URGCP: variants seen among roughly 807,000 people sequenced by gnomAD.
URGCP encodes up-regulator of cell proliferation.
A neutral mutation model predicts 24.6 loss-of-function variants in URGCP; 13 were observed. That is an observed-to-expected ratio of 0.53 (90% CI 0.34 to 0.84). The LOEUF is 0.84. Among genes scored for constraint, URGCP ranks in the 40% least tolerant of loss-of-function variants. The pLI, the probability that URGCP is intolerant of heterozygous loss-of-function variation, is 0.01. For synonymous variants in URGCP, 444 were observed against 487.2 expected (o/e 0.91, Z 1.17); for missense variants, 899 against 1,194.3 (o/e 0.75, Z 3.64).
rs1251700101 is a variant in URGCP at position 43,905,420 on chromosome 7, C to G, written c.14+1142G>C. Among the ~76,000 whole-genome samples the G allele has an allele frequency of 5.9e-5, 9 of 152,288 alleles. No individual in the cohort carries two copies. The East Asian group carries it at 1.5e-3, about 26-fold the overall frequency. Reference sequence around the variant, plus strand: ...GGGTAGTCAGCTGGCAATGAAAAGGCCTGGTCCCGGAAATGACCACTGCCC... The same window carrying G: ...GGGTAGTCAGCTGGCAATGAAAAGGGCTGGTCCCGGAAATGACCACTGCCC... On this transcript the variant is annotated intron_variant, in intron 1 of 5. Coordinates refer to ENST00000453200, the MANE Select transcript of URGCP (RefSeq NM_001077663.3).
chr7:43,877,544 TGG>T lies in URGCP; in HGVS notation c.1917_1918del (p.Gln640GlufsTer97), dbSNP rs759549311. 1 of 1,613,256 alleles carries T rather than the reference TGG, an allele frequency of 6.2e-7. No individual in the cohort carries two copies. Among genetic ancestry groups the T allele is most frequent in the African/African-American group, 1.3e-5 (1 of 75,054 alleles). ...GCCTGGGAAGTGGGCAAAACGCCTC[TGG>T]CCTGCCGGCAGCCTCCCTGCCTCCA... is the stretch of plus-strand genomic sequence containing the variant. On this transcript the variant is annotated frameshift_variant, in exon 6 of 6. Coordinates refer to ENST00000453200, the MANE Select transcript of URGCP (RefSeq NM_001077663.3). LOFTEE classifies it high-confidence loss of function.
intron 1 of URGCP, among the ~76,000 whole-genome samples, chr7:43,923,926 G>A (rs10225363): frequency 0.092 from 13,980 of 152,010 alleles, 979 homozygotes; most frequent in African/African-American, 0.19. Context: ...TTGAAGGGCA[G>A]TGGTGCAATC....
At chr7:43,925,798 CTTTTTTT>C (rs60736722) in intron 1 of URGCP, among the ~76,000 whole-genome samples, 2 of 116,544 alleles carry the variant, frequency 1.7e-5, no homozygotes, top group African/African-American at 6.6e-5. Flanking sequence ...CCTCGTCTGG[CTTTTTTT>C]TTTTTTTTTT....
chr7:43,896,232 T>C (rs2095878148), intron 1 of URGCP, among the ~76,000 whole-genome samples: 1 of 151,966 alleles, frequency 6.6e-6, no homozygotes, highest in South Asian at 2.1e-4. Flanking sequence ...CCAGGTGCGG[T>C]GGCTCACGTG....
chr7:43,909,410 A>G (rs572109364), upstream of URGCP, among the ~76,000 whole-genome samples: 287 of 152,338 alleles, frequency 1.9e-3, 2 homozygotes, highest in African/African-American at 6.6e-3. Flanking sequence ...TTTCAAAATC[A>G]TTGCCAACTT....
chr7:43,920,111 CCTGA>C, intron 1 of URGCP: 1 of 910,020 alleles, frequency 1.1e-6, no homozygotes, highest in Non-Finnish European at 1.7e-6. Context: ...CAAGGCCCTG[CCTGA>C]CTGACCACTC....
chr7:43,892,873 G>A (rs2095873039), intron 1 of URGCP, among the ~76,000 whole-genome samples: 1 of 152,166 alleles, frequency 6.6e-6, no homozygotes, highest in African/African-American at 2.4e-5. Context: ...AGTAAAAACT[G>A]AGGGAATGCA....
At chr7:43,906,460 G>C (rs2095903166) in intron 1 of URGCP, 102 bp downstream of exon 1, 1 of 1,071,154 alleles carries the variant, frequency 9.3e-7, no homozygotes, top group Non-Finnish European at 1.1e-6. Flanking sequence ...CCGGGTCCGG[G>C]CCGCATCCCA....
chr7:43,925,311 T>G (rs570833969), intron 1 of URGCP, among the ~76,000 whole-genome samples: 22 of 152,274 alleles, frequency 1.4e-4, no homozygotes, highest in Admixed American at 6.5e-4. Flanking sequence ...CCATGTGTCT[T>G]GGCTGGCTGG....
intron 3 of URGCP, among the ~76,000 whole-genome samples, chr7:43,885,678 CA>C (rs1010036570): frequency 2.0e-5 from 3 of 152,122 alleles, no homozygotes; most frequent in African/African-American, 7.2e-5. Flanking sequence ...CAACCTAGCT[CA>C]CAATAAGCAT....
intron 1 of URGCP, among the ~76,000 whole-genome samples, chr7:43,914,847 T>C (rs1228218325): frequency 6.6e-6 from 1 of 152,050 alleles, no homozygotes; most frequent in African/African-American, 2.4e-5. Flanking sequence ...CTGATAGAGA[T>C]AGGAGACAGC....
intron 1 of URGCP, among the ~76,000 whole-genome samples, chr7:43,897,482 C>G (rs1488824517): frequency 6.6e-6 from 1 of 151,782 alleles, no homozygotes; most frequent in Non-Finnish European, 1.5e-5. Context: ...GTGGCTTGAG[C>G]AAGAGAGTGA....
At chr7:43,886,650 G>A (rs2095862613) in intron 3 of URGCP, among the ~76,000 whole-genome samples, 1 of 152,130 alleles carries the variant, frequency 6.6e-6, no homozygotes, top group South Asian at 2.1e-4. Flanking sequence ...CTACTTGGGA[G>A]GCTGAGGCAG....
chr7:43,906,325 C>T (rs2095902462), intron 1 of URGCP: 3 of 202,074 alleles, frequency 1.5e-5, no homozygotes, highest in Non-Finnish European at 2.6e-5. Flanking sequence ...ACCCCCGCAT[C>T]CCGGGGGACC....
rs376158493 is a variant in URGCP at position 43,913,524 on chromosome 7, G to A, written c.-116+12608C>T. Among the ~76,000 whole-genome samples the A allele has an allele frequency of 5.3e-5, 8 of 152,006 alleles. No homozygotes were observed. In the South Asian group the frequency reaches 1.7e-3, roughly 32 times the overall value. On this transcript the variant is annotated intron_variant, in intron 1 of 5. Coordinates refer to the URGCP transcript ENST00000426198. The stretch of plus-strand genomic sequence containing the variant: ...TGAACCACCGCACCTGGCCCTGACA[G>A]TTATTTTCTTTAAGCACTTTAAATA...
chr7:43,904,783 G>A (rs2095898009), intron 1 of URGCP, among the ~76,000 whole-genome samples: 1 of 152,168 alleles, frequency 6.6e-6, no homozygotes, highest in Non-Finnish European at 1.5e-5. Context: ...AACCTACATC[G>A]TAAGGTGTAC....
upstream of URGCP, chr7:43,926,689 A>T: frequency 2.1e-6 from 2 of 942,288 alleles, no homozygotes; most frequent in Non-Finnish European, 3.0e-6. Flanking sequence ...AAGGAGGCAG[A>T]ACAGCCTCCC....
At chr7:43,880,202 T>C (rs1339517008) in intron 5 of URGCP, among the ~76,000 whole-genome samples, 2 of 152,138 alleles carry the variant, frequency 1.3e-5, no homozygotes, top group Admixed American at 1.3e-4. Context: ...GGATTACAGG[T>C]GTGAGCCATG....
chr7:43,882,639 A>C (rs2095855773), intron 3 of URGCP, among the ~76,000 whole-genome samples: 1 of 151,858 alleles, frequency 6.6e-6, no homozygotes. Context: ...ACAACAAAAA[A>C]CGTCAAGTGA....
Sources: gnomAD v4.1 joint callset for allele counts (sites outside exome capture counted in the v4.1 genomes callset) on GRCh38, gnomAD v4.1.1 for gene constraint, MANE v1.5 for transcripts, NCBI Gene and HGNC (gene_info 2026-07-23, HGNC 2026-07-21) for gene names.